The following MAB21L3 variants were observed in gnomAD, a reference collection of about 807,000 sequenced individuals.
The protein encoded by MAB21L3 is protein mab-21-like 3.
A neutral mutation model predicts 37.7 loss-of-function variants in MAB21L3; 36 were observed. That is an observed-to-expected ratio of 0.96 (90% CI 0.73 to 1.26). The LOEUF is 1.26. Among genes scored for constraint, MAB21L3 ranks in the 50% most tolerant of loss-of-function variants. The pLI is 0.00. For missense variants in MAB21L3, 430 were observed against 447.3 expected (o/e 0.96, Z 0.35); for synonymous variants, 186 against 176.8 (o/e 1.05, Z -0.41).
At chr1:116,112,186 A>G (rs1018119287) in intron 2 of MAB21L3, among the ~76,000 whole-genome samples, 1 of 152,116 alleles carries the variant, frequency 6.6e-6, no homozygotes, top group African/African-American at 2.4e-5. Context: ...CGGTGCATCT[A>G]GTGTTGGGAC....
At chr1:116,126,169 C>T (rs1287422619) in intron 5 of MAB21L3, among the ~76,000 whole-genome samples, 2 of 152,088 alleles carry the variant, frequency 1.3e-5, no homozygotes, top group Non-Finnish European at 2.9e-5. Context: ...ATAATAGATT[C>T]CAATCTATTT....
At position 116,137,436 on chromosome 1, in the gene MAB21L3, C is replaced by T. The variant is rs1660218493; in HGVS notation, c.*4071C>T. ...AAAACCACAGTGAGATACCATCTCA[C>T]ACCAGTTAGAATGGCAATCATTAAA... On this transcript the variant is annotated 3_prime_UTR_variant, in exon 8 of 8. Coordinates refer to ENST00000369500, the MANE Select transcript of MAB21L3 (RefSeq NM_152367.3). 7.3e-6 allele frequency among the ~76,000 whole-genome samples: 1 copy of T among 137,582 alleles called. No individual in the cohort carries two copies. The highest frequency in any genetic ancestry group is 3.3e-5 in the African/African-American group (1 of 30,568). 90.3% of individuals were successfully genotyped at this position (137,582 alleles called of 152,430 possible). A position where few individuals can be genotyped will look rare whatever the true frequency, so the allele number is the denominator to read the frequency against.
At chr1:116,124,799 A>C (rs1458590276) in intron 5 of MAB21L3, among the ~76,000 whole-genome samples, 3 of 152,050 alleles carry the variant, frequency 2.0e-5, no homozygotes, top group Non-Finnish European at 4.4e-5. Context: ...CAAAGCACAA[A>C]ATCCAGGAGC....
rs368601131 is a variant in MAB21L3 at position 116,127,657 on chromosome 1, G to A, written c.660+13G>A. 2.1e-4 allele frequency: 333 copies of A among 1,603,974 alleles called. No individual in the cohort carries two copies. Among genetic ancestry groups the A allele is most frequent in the Admixed American group, 2.9e-4 (17 of 58,798 alleles). On this transcript the variant is annotated intron_variant, in intron 6 of 7. Transcript: ENST00000369500. ...GGAGTGCATCAAGGTATCAGTGGGC[G>A]GGACCCAGCTTGCCAGAGCAGTGAT...
chr1:116,128,126 AT>A lies in MAB21L3; in HGVS notation c.661-14del, dbSNP rs778123344. On this transcript the variant is annotated intron_variant, in intron 6 of 7. Coordinates refer to ENST00000369500, the MANE Select transcript of MAB21L3 (RefSeq NM_152367.3). Reference sequence around the variant, plus strand: ...AGCATTGTTCTTCTTATTTCCCAATATTTTTCTCTTTCTTCCAGTCGTTTGG... The same window carrying A: ...AGCATTGTTCTTCTTATTTCCCAATATTTTCTCTTTCTTCCAGTCGTTTGG... 6.2e-7 allele frequency: 1 copy of A among 1,601,688 alleles called. No homozygotes were observed. The highest frequency in any genetic ancestry group is 8.5e-7 in the Non-Finnish European group (1 of 1,173,298).
At chr1:116,115,663 G>A (rs1473160879) in intron 3 of MAB21L3, among the ~76,000 whole-genome samples, 3 of 152,194 alleles carry the variant, frequency 2.0e-5, no homozygotes, top group Non-Finnish European at 2.9e-5. Context: ...CCATTGCAAG[G>A]AAGCGTATCG....
At chr1:116,125,499 G>A (rs1659882044) in intron 5 of MAB21L3, among the ~76,000 whole-genome samples, 1 of 152,146 alleles carries the variant, frequency 6.6e-6, no homozygotes, top group South Asian at 2.1e-4. Flanking sequence ...AAAAGAACAG[G>A]CATATGCCCA....
chr1:116,114,091 C>T (rs953465166), intron 3 of MAB21L3, among the ~76,000 whole-genome samples: 2 of 152,146 alleles, frequency 1.3e-5, no homozygotes, highest in Non-Finnish European at 2.9e-5. Flanking sequence ...ATGATTTTGC[C>T]CACATATTCA....
chr1:116,112,950 G>A (rs925701385), intron 3 of MAB21L3, among the ~76,000 whole-genome samples: 7 of 152,160 alleles, frequency 4.6e-5, no homozygotes, highest in Admixed American at 1.3e-4. Flanking sequence ...TCGTGTGGTT[G>A]TGAGTCACTT....
intron 7 of MAB21L3, among the ~76,000 whole-genome samples, chr1:116,132,907 A>G (rs897834432): frequency 1.3e-5 from 2 of 152,132 alleles, no homozygotes; most frequent in African/African-American, 4.8e-5. Context: ...AACATTGGAA[A>G]TGTTGGAGGA....
intron 7 of MAB21L3, among the ~76,000 whole-genome samples, chr1:116,132,344 A>G (rs1443771041): frequency 6.6e-6 from 1 of 152,068 alleles, no homozygotes; most frequent in Non-Finnish European, 1.5e-5. Context: ...AGGAGAAAAA[A>G]CCCAGAGAGC....
At chr1:116,119,682 G>C (rs1659688864) in intron 3 of MAB21L3, among the ~76,000 whole-genome samples, 1 of 152,096 alleles carries the variant, frequency 6.6e-6, no homozygotes, top group African/African-American at 2.4e-5. Context: ...GCAGCTTGTA[G>C]GTGCCTCCTG....
Position 116,112,578 on chromosome 1 carries a change from AG to A in MAB21L3, c.-36del, listed in dbSNP as rs1449380795. On this transcript the variant is annotated 5_prime_UTR_variant, in exon 3 of 8. Coordinates refer to ENST00000369500, the MANE Select transcript of MAB21L3 (RefSeq NM_152367.3). ...CTCCATTGAGAAAAAAAAAAAAACCAGGAAGTTGCTGTTCTACTGAGGACTG... is the reference window on the plus strand; with the variant it reads ...CTCCATTGAGAAAAAAAAAAAAACCAGAAGTTGCTGTTCTACTGAGGACTG... 1.3e-6 allele frequency: 2 copies of A among 1,574,780 alleles called. No individual in the cohort carries two copies. The highest frequency in any genetic ancestry group is 2.3e-5 in the South Asian group (2 of 85,200).
rs1318981627 is a variant in MAB21L3 at position 116,135,595 on chromosome 1, T to G, written c.*2230T>G. Among the ~76,000 whole-genome samples the G allele has an allele frequency of 6.6e-6, 1 of 152,198 alleles. No homozygotes were observed. Among genetic ancestry groups the G allele is most frequent in the Non-Finnish European group, 1.5e-5 (1 of 68,002 alleles). Reference sequence around the variant, plus strand: ...TCCTTCTGAAACTATTCCAATCAATTGAAAAAGAGGGAATCCTCCCTAACT... The same window carrying G: ...TCCTTCTGAAACTATTCCAATCAATGGAAAAAGAGGGAATCCTCCCTAACT... On this transcript the variant is annotated 3_prime_UTR_variant, in exon 8 of 8. Coordinates refer to ENST00000369500, the MANE Select transcript of MAB21L3 (RefSeq NM_152367.3).
rs896594072 is a variant in MAB21L3, at chr1:116,112,664, G to A, written c.48+1G>A. 1.9e-6 allele frequency: 3 copies of A among 1,613,768 alleles called. No homozygotes were observed. Among genetic ancestry groups the A allele is most frequent in the Non-Finnish European group, 2.5e-6 (3 of 1,179,916 alleles). ...CTTAGAAGATTGCCTACTGAATAAG[G>A]TAAGGACAGACCCGGTCTCTCCCAT... On this transcript the variant is annotated splice_donor_variant, in intron 3 of 7. Transcript: ENST00000369500. LOFTEE classifies it high-confidence loss of function.
chr1:116,131,724 C>A (rs116714324), intron 7 of MAB21L3, among the ~76,000 whole-genome samples: 3,211 of 152,186 alleles, frequency 0.021, 101 homozygotes, highest in African/African-American at 0.074. Context: ...CCGTGTTAGC[C>A]AGGATGGGAC....
At position 116,120,985 on chromosome 1, in the gene MAB21L3, C is replaced by T; in HGVS notation, c.102C>T (p.Val34=). 6.2e-7 allele frequency: 1 copy of T among 1,614,118 alleles called. No individual in the cohort carries two copies. Among genetic ancestry groups the T allele is most frequent in the African/African-American group, 1.3e-5 (1 of 75,026 alleles). The part of the protein sequence containing the change: ...ISQAVEEVQK[V]VHHLTTNISN... ...AGGCTGTGGAGGAGGTGCAGAAAGT[C>T]GTTCATCATTTGACCACAAACATCA... Residue 34 remains valine (V), a synonymous_variant, in exon 4 of 8, where the codon GTC becomes GTT. Coordinates refer to ENST00000369500, the MANE Select transcript of MAB21L3 (RefSeq NM_152367.3).
chr1:116,133,522 A>C lies in MAB21L3; in HGVS notation c.*157A>C. Reference sequence around the variant, plus strand: ...ACCAGAAACACTTCAGCAGGGGGAAAACTGTGCCCCAGGATGTCTGGCCCA... The same window carrying C: ...ACCAGAAACACTTCAGCAGGGGGAACACTGTGCCCCAGGATGTCTGGCCCA... On this transcript the variant is annotated 3_prime_UTR_variant, in exon 8 of 8. Transcript: ENST00000369500. 1.5e-6 allele frequency: 1 copy of C among 684,026 alleles called. No individual in the cohort carries two copies. Among genetic ancestry groups the C allele is most frequent in the East Asian group, 2.7e-5 (1 of 36,778 alleles). 42.4% of individuals were successfully genotyped at this position (684,026 alleles called of 1,614,324 possible).
At chr1:116,113,677 T>G (rs535931400) in intron 3 of MAB21L3, among the ~76,000 whole-genome samples, 3 of 152,358 alleles carry the variant, frequency 2.0e-5, no homozygotes, top group African/African-American at 7.2e-5. Flanking sequence ...GTAGATTATT[T>G]CTAATGTTTT....
Sources: gnomAD v4.1 joint callset for allele counts (sites outside exome capture counted in the v4.1 genomes callset) on GRCh38, gnomAD v4.1.1 for gene constraint, MANE v1.5 for transcripts, NCBI Gene and HGNC (gene_info 2026-07-23, HGNC 2026-07-21) for gene names.